The following NRG1 variants were observed in gnomAD, a reference collection of about 807,000 sequenced individuals.
NRG1 encodes neuregulin 1.
A neutral mutation model predicts 63.8 loss-of-function variants in NRG1; 18 were observed. The ratio of observed to expected loss-of-function variants is 0.28; its 90% CI spans 0.19 to 0.42. The LOEUF (loss-of-function observed/expected upper bound fraction) is 0.42, where lower values mean the gene tolerates loss of function less well. Ranked by LOEUF, NRG1 falls within the 10% of genes least tolerant of loss-of-function variation. NRG1 has a pLI of 1.00. For missense variants in NRG1, 762 were observed against 814.7 expected (o/e 0.94, Z 0.79); for synonymous variants, 302 against 301.3 (o/e 1.00, Z -0.02).
chr8:32,611,422 G>A (rs907083550), intron 3 of NRG1, among the ~76,000 whole-genome samples: 1 of 152,058 alleles, frequency 6.6e-6, no homozygotes, highest in Non-Finnish European at 1.5e-5. Context: ...ATGTTGAAAA[G>A]CATGTAAAAT....
chr8:31,967,624 C>A (rs997844677), intron 1 of NRG1, among the ~76,000 whole-genome samples: 5 of 152,104 alleles, frequency 3.3e-5, no homozygotes, highest in South Asian at 2.1e-4. Flanking sequence ...CCATGAAAAC[C>A]AGAAGGCAGG....
Position 31,898,017 on chromosome 8 carries a change from CAA to C in NRG1, c.37+258603_37+258604del, listed in dbSNP as rs34246447. On this transcript the variant is annotated intron_variant, in intron 1 of 10. Transcript: ENST00000519301. ...GGGTGACAAGAGTGAAATTCTATCTCAAAAAAAAAAAAAAAAAAGAGAGAGAA... is the reference window on the plus strand; with the variant it reads ...GGGTGACAAGAGTGAAATTCTATCTCAAAAAAAAAAAAAAAAGAGAGAGAA... Among the ~76,000 whole-genome samples the C allele has an allele frequency of 2.0e-3, 253 of 125,828 alleles. 3 individuals carry two copies. In the South Asian group the frequency reaches 0.025, roughly 12 times the overall value. The allele number at this position is 125,828 out of a possible 152,430, so 82.5% of individuals were successfully genotyped here.
chr8:32,045,781 C>A (rs1352689432), intron 1 of NRG1, among the ~76,000 whole-genome samples: 1 of 151,852 alleles, frequency 6.6e-6, no homozygotes, highest in Non-Finnish European at 1.5e-5. Flanking sequence ...GCAACCTAAT[C>A]CTCACATATT....
At chr8:31,958,224 G>C (rs1196506826) in intron 1 of NRG1, among the ~76,000 whole-genome samples, 1 of 152,066 alleles carries the variant, frequency 6.6e-6, no homozygotes, top group Non-Finnish European at 1.5e-5. Flanking sequence ...CAGGTAAATG[G>C]AATGAACATC....
At chr8:32,327,717 C>CAG (rs1284924590) in intron 1 of NRG1, among the ~76,000 whole-genome samples, 5 of 152,142 alleles carry the variant, frequency 3.3e-5, no homozygotes, top group African/African-American at 1.2e-4. Context: ...ATTTGAAAGA[C>CAG]AGACTTTAGA....
chr8:32,262,182 A>G (rs1158510782), intron 1 of NRG1, among the ~76,000 whole-genome samples: 2 of 152,200 alleles, frequency 1.3e-5, no homozygotes, highest in Admixed American at 1.3e-4. Flanking sequence ...TAACCCTGAA[A>G]ACTTAGGAAA....
intron 1 of NRG1, among the ~76,000 whole-genome samples, chr8:31,995,601 T>C (rs902170285): frequency 6.6e-6 from 1 of 151,938 alleles, no homozygotes; most frequent in Non-Finnish European, 1.5e-5. Flanking sequence ...GTGAGGACCC[T>C]GGGTTATGTC....
chr8:32,089,794 G>T (rs1191815335), intron 1 of NRG1, among the ~76,000 whole-genome samples: 1 of 152,028 alleles, frequency 6.6e-6, no homozygotes, highest in Non-Finnish European at 1.5e-5. Flanking sequence ...ACATATAGGT[G>T]GGAAAAAGAG....
At chr8:31,757,053 T>G (rs1265116328) in intron 1 of NRG1, among the ~76,000 whole-genome samples, 2 of 152,210 alleles carry the variant, frequency 1.3e-5, no homozygotes, top group Non-Finnish European at 2.9e-5. Context: ...ATCCTTTGGA[T>G]TTTTGCAGCA....
At chr8:31,821,924 A>G (rs1476022587) in intron 1 of NRG1, among the ~76,000 whole-genome samples, 1 of 152,180 alleles carries the variant, frequency 6.6e-6, no homozygotes, top group Admixed American at 6.5e-5. Context: ...TCCCAGTATG[A>G]GCAGCCTTTT....
intron 1 of NRG1, among the ~76,000 whole-genome samples, chr8:32,555,882 C>T (rs1322957886): frequency 6.6e-6 from 1 of 152,208 alleles, no homozygotes; most frequent in East Asian, 1.9e-4. Flanking sequence ...CAGGATATTA[C>T]TCCCCTTCCC....
intron 1 of NRG1, among the ~76,000 whole-genome samples, chr8:32,361,056 A>G (rs541057802): frequency 6.6e-6 from 1 of 152,270 alleles, no homozygotes; most frequent in South Asian, 2.1e-4. Flanking sequence ...CAATCCCCTT[A>G]TTCATACGAT....
chr8:31,851,914 C>T (rs1350867861), intron 1 of NRG1, among the ~76,000 whole-genome samples: 1 of 151,124 alleles, frequency 6.6e-6, no homozygotes, highest in Non-Finnish European at 1.5e-5. Flanking sequence ...CAATTTCATC[C>T]ATGTCCCTAC....
At chr8:32,624,807 A>G (rs1848923590) in intron 5 of NRG1, among the ~76,000 whole-genome samples, 1 of 152,208 alleles carries the variant, frequency 6.6e-6, no homozygotes, top group Admixed American at 6.5e-5. Context: ...AAAATATTCT[A>G]CCTTTGATGT....
chr8:31,643,928 A>G (rs548997229), intron 1 of NRG1, among the ~76,000 whole-genome samples: 13 of 152,346 alleles, frequency 8.5e-5, no homozygotes, highest in South Asian at 8.3e-4. Context: ...ACAAGCCAAT[A>G]TAAGTATTTT....
chr8:32,377,620 G>T (rs1809792445), intron 1 of NRG1, among the ~76,000 whole-genome samples: 2 of 152,178 alleles, frequency 1.3e-5, no homozygotes, highest in South Asian at 4.1e-4. Flanking sequence ...GTTACCTGTT[G>T]TGATATGGGA....
intron 1 of NRG1, among the ~76,000 whole-genome samples, chr8:32,110,970 C>T (rs1280060007): frequency 2.0e-5 from 3 of 152,124 alleles, no homozygotes; most frequent in African/African-American, 4.8e-5. Context: ...AAGAAACTTT[C>T]GAGTAAGCAA....
intron 11 of NRG1, among the ~76,000 whole-genome samples, chr8:32,761,619 C>T (rs192074117): frequency 2.6e-4 from 32 of 125,390 alleles, no homozygotes; most frequent in Admixed American, 1.8e-3. Flanking sequence ...TTATTGTCAT[C>T]TTAGTCTAAT....
At chr8:32,733,241 A>G (rs1824187555) in intron 6 of NRG1, among the ~76,000 whole-genome samples, 2 of 152,300 alleles carry the variant, frequency 1.3e-5, no homozygotes, top group Non-Finnish European at 1.5e-5. Context: ...CTTATAATGC[A>G]AAAACAACAA....
Sources: gnomAD v4.1 joint callset for allele counts (sites outside exome capture counted in the v4.1 genomes callset) on GRCh38, gnomAD v4.1.1 for gene constraint, MANE v1.5 for transcripts, NCBI Gene and HGNC (gene_info 2026-07-23, HGNC 2026-07-21) for gene names.